PTK2B: variants seen among roughly 807,000 people sequenced by gnomAD.
PTK2B encodes protein tyrosine kinase 2 beta.
In PTK2B, 71 loss-of-function variants were observed where a neutral mutation model predicts 142.9. That is an observed-to-expected ratio of 0.50 (90% CI 0.41 to 0.61). The LOEUF (loss-of-function observed/expected upper bound fraction) is 0.61. Ranked by LOEUF, PTK2B falls within the 20% of genes least tolerant of loss-of-function variation. PTK2B has a pLI of 0.00. For synonymous variants in PTK2B, 519 were observed against 503.4 expected (o/e 1.03, Z -0.42); for missense variants, 1,105 against 1,320.4 (o/e 0.84, Z 2.53).
intron 1 of PTK2B, among the ~76,000 whole-genome samples, chr8:27,385,542 C>G (rs181200834): frequency 6.6e-6 from 1 of 152,140 alleles, no homozygotes; most frequent in African/African-American, 2.4e-5. Context: ...CCTCATCTAG[C>G]TTGGTGGTAA....
intron 1 of PTK2B, among the ~76,000 whole-genome samples, chr8:27,386,165 T>A (rs558403397): frequency 6.6e-6 from 1 of 152,200 alleles, no homozygotes; most frequent in Admixed American, 6.5e-5. Context: ...ACTACTCATA[T>A]TTTTATCATA....
chr8:27,356,000 G>A (rs1805370253), intron 1 of PTK2B, among the ~76,000 whole-genome samples: 2 of 151,056 alleles, frequency 1.3e-5, no homozygotes, highest in African/African-American at 4.9e-5. Context: ...TCCAGCCCAG[G>A]CGACAGTGCA....
Position 27,350,988 on chromosome 8 carries a change from AAAATATATATATATATATATATATATAT to A in PTK2B, c.-38+25309_-38+25336del, listed in dbSNP as rs1805031115. ...AAGTCTCCGTCTCAAAAAAAAAAAA[AAAATATATATATATATATATATATATAT>A]ATATATATATATATATATATATATA... On this transcript the variant is annotated intron_variant, in intron 1 of 30. Transcript: ENST00000346049. Among the ~76,000 whole-genome samples the A allele has an allele frequency of 1.8e-4, 3 of 16,224 alleles. 1 individual carries two copies. The highest frequency in any genetic ancestry group is 4.1e-4 in the Non-Finnish European group (3 of 7,252). 10.6% of individuals were successfully genotyped at this position (16,224 alleles called of 152,430 possible). A position where few individuals can be genotyped will look rare whatever the true frequency, so the allele number is the denominator to read the frequency against.
chr8:27,386,879 GT>G (rs574920006), intron 1 of PTK2B, among the ~76,000 whole-genome samples: 3,488 of 142,152 alleles, frequency 0.025, 46 homozygotes, highest in Middle Eastern at 0.057. Context: ...AGTACCTGAG[GT>G]TTTTTTTTTT....
In PTK2B at chr8:27,458,362, G is replaced by A; in HGVS notation, c.2883G>A (p.Gln961=). 6.2e-7 allele frequency: 1 copy of A among 1,613,850 alleles called. No individual in the cohort carries two copies. The highest frequency in any genetic ancestry group is 8.5e-7 in the Non-Finnish European group (1 of 1,179,898). The change falls in exon 31 of 31, where the codon CAG becomes CAA. Residue 961 remains glutamine, a synonymous_variant. Coordinates refer to ENST00000346049, the MANE Select transcript of PTK2B (RefSeq NM_173176.3). ...TCATCAACAAGATGCGGCTGGCACA[G>A]CAGAACGCCGTGACCTCCCTAAGTG... ...AELINKMRLA[Q]QNAVTSLSEE... is the part of the protein sequence containing the mutation.
chr8:27,341,815 A>C (rs1804419254), intron 1 of PTK2B, among the ~76,000 whole-genome samples: 1 of 151,990 alleles, frequency 6.6e-6, no homozygotes, highest in Non-Finnish European at 1.5e-5. Flanking sequence ...CTGGGACTAC[A>C]GGCACCCACC....
chr8:27,353,732 C>T (rs980194550), intron 1 of PTK2B, among the ~76,000 whole-genome samples: 1 of 152,182 alleles, frequency 6.6e-6, no homozygotes, highest in African/African-American at 2.4e-5. Flanking sequence ...GGTTAATAGC[C>T]TGGAGTGCCA....
chr8:27,378,450 C>T (rs1159202102), intron 1 of PTK2B, among the ~76,000 whole-genome samples: 1 of 152,202 alleles, frequency 6.6e-6, no homozygotes, highest in Non-Finnish European at 1.5e-5. Flanking sequence ...GGAAGAACGT[C>T]CCTCTCACCT....
intron 1 of PTK2B, among the ~76,000 whole-genome samples, chr8:27,392,330 G>C (rs1201859178): frequency 6.7e-6 from 1 of 148,200 alleles, no homozygotes. Context: ...TTTTTTTCTG[G>C]AGCACTACTG....
intron 26 of PTK2B, 59 bp from the exon 27 acceptor site, chr8:27,451,426 G>A: frequency 6.2e-7 from 1 of 1,608,974 alleles, no homozygotes. Flanking sequence ...TAACCAGGGA[G>A]GGGGTTGTCT....
rs1805840540 is a variant in PTK2B at position 27,363,523 on chromosome 8, A to G, written c.-37-34025A>G. ...CATCACTAGAAGAATTCAAGCAGGA[A>G]GTGGGCAAGAGGGAGTGCCCGCATG... On this transcript the variant is annotated intron_variant, in intron 1 of 30. Transcript: ENST00000346049. The surrounding 1 kb of genome is among the most constrained non-coding windows in gnomAD (Gnocchi z 4.3). 6.6e-6 allele frequency among the ~76,000 whole-genome samples: 1 copy of G among 152,108 alleles called. No homozygotes were observed. Among genetic ancestry groups the G allele is most frequent in the Admixed American group, 6.5e-5 (1 of 15,274 alleles).
chr8:27,316,200 G>T (rs1163611262), intron 3 of PTK2B, among the ~76,000 whole-genome samples: 1 of 151,810 alleles, frequency 6.6e-6, no homozygotes, highest in Non-Finnish European at 1.5e-5. Context: ...CAAACCCCTT[G>T]CCATCACCAT....
intron 30 of PTK2B, among the ~76,000 whole-genome samples, chr8:27,455,192 T>C (rs1255574283): frequency 2.6e-5 from 4 of 151,972 alleles, no homozygotes; most frequent in Non-Finnish European, 1.5e-5. Flanking sequence ...GATTGGGAGA[T>C]TGTTCTCAGT....
intron 1 of PTK2B, among the ~76,000 whole-genome samples, chr8:27,376,657 T>C (rs902497328): frequency 1.3e-5 from 2 of 152,170 alleles, no homozygotes; most frequent in African/African-American, 4.8e-5. Context: ...AAAATCAAGA[T>C]GGCGATGAGA....
chr8:27,434,928 AG>A (rs1026299421), intron 13 of PTK2B, among the ~76,000 whole-genome samples: 1 of 152,092 alleles, frequency 6.6e-6, no homozygotes, highest in African/African-American at 2.4e-5. Context: ...TGAACCTGGA[AG>A]GCGGAGGTTG....
At position 27,436,250 on chromosome 8, in the gene PTK2B, G is replaced by A; in HGVS notation, c.1244-1G>A. On this transcript the variant is annotated splice_acceptor_variant, in intron 14 of 30. Coordinates refer to ENST00000346049, the MANE Select transcript of PTK2B (RefSeq NM_173176.3). LOFTEE classifies it high-confidence loss of function. The stretch of plus-strand genomic sequence containing the variant: ...TGCGACTGTTTTCTCTGTCTGTGCA[G>A]GTCCACAGTATGGCATTGCCCGTGA... The A allele has an allele frequency of 6.2e-7, 1 of 1,614,046 alleles. No individual in the cohort carries two copies. Among genetic ancestry groups the A allele is most frequent in the Non-Finnish European group, 8.5e-7 (1 of 1,179,954 alleles).
In PTK2B at chr8:27,377,926, G is replaced by T. The variant is rs961044295; in HGVS notation, c.-37-19622G>T. The stretch of plus-strand genomic sequence containing the variant: ...CATCACCTGCATAGTCAGTCCTCAA[G>T]GGATTACTTGAAAGCTAGCACACCC... On this transcript the variant is annotated intron_variant, in intron 1 of 30. Coordinates refer to ENST00000346049, the MANE Select transcript of PTK2B (RefSeq NM_173176.3). 6.6e-5 allele frequency among the ~76,000 whole-genome samples: 10 copies of T among 152,268 alleles called. 1 individual carries two copies. The South Asian group carries it at 1.9e-3, about 28-fold the overall frequency.
chr8:27,324,749 G>A (rs11993843), upstream of PTK2B, among the ~76,000 whole-genome samples: 88,253 of 151,814 alleles, frequency 0.58, 28,771 homozygotes, highest in Non-Finnish European at 0.75. Context: ...GTAGGATGAG[G>A]ATGATGCTGC....
chr8:27,375,261 T>C (rs1489855262), intron 1 of PTK2B, among the ~76,000 whole-genome samples: 1 of 152,226 alleles, frequency 6.6e-6, no homozygotes, highest in Non-Finnish European at 1.5e-5. Flanking sequence ...GAGGCCCTCC[T>C]GAGTCCCCTT....
Sources: allele counts gnomAD v4.1 joint callset (sites outside exome capture counted in the v4.1 genomes callset), GRCh38; gene constraint gnomAD v4.1.1; non-coding constraint Gnocchi (gnomAD v3.1); transcripts MANE v1.5; gene names NCBI Gene and HGNC (gene_info 2026-07-23, HGNC 2026-07-21).